Variants in PHLDB2 observed in about 807,000 individuals in gnomAD.
PHLDB2 encodes the protein pleckstrin homology like domain family B member 2, also known as pleckstrin homology-like domain family B member 2.
In PHLDB2, 71 loss-of-function variants were observed where a neutral mutation model predicts 123.6. The ratio of observed to expected loss-of-function variants is 0.57; its 90% CI spans 0.47 to 0.70. PHLDB2 has a LOEUF of 0.70. Ranked by LOEUF, PHLDB2 falls within the 30% of genes least tolerant of loss-of-function variation. The pLI is 0.00. For synonymous variants in PHLDB2, 547 were observed against 541.6 expected, an observed-to-expected ratio of 1.01 and a Z score of -0.14; for missense variants, 1,446 against 1,519.5, an observed-to-expected ratio of 0.95 and a Z score of 0.80.
intron 11 of PHLDB2, 79 bp from the exon 12 acceptor site, chr3:111,953,851 G>A (rs1302318193): frequency 1.8e-6 from 2 of 1,102,568 alleles, no homozygotes; most frequent in East Asian, 2.5e-5. Context: ...TAGGAGCTTT[G>A]GAAACAGGGA....
At chr3:111,796,734 C>A (rs62273795) in intron 1 of PHLDB2, among the ~76,000 whole-genome samples, 1,601 of 152,138 alleles carry the variant, frequency 0.011, 9 homozygotes, top group Non-Finnish European at 0.018. Context: ...GCCATGTTAG[C>A]CAGGCAGTTC....
At chr3:111,888,588 G>T (rs983362693) in intron 2 of PHLDB2, among the ~76,000 whole-genome samples, 4 of 152,142 alleles carry the variant, frequency 2.6e-5, no homozygotes, top group Non-Finnish European at 5.9e-5. Context: ...CAAAGCTCAG[G>T]AAGTTACACT....
chr3:111,748,815 C>T (rs2059723609), intron 1 of PHLDB2, among the ~76,000 whole-genome samples: 1 of 152,106 alleles, frequency 6.6e-6, no homozygotes, highest in Non-Finnish European at 1.5e-5. Flanking sequence ...AGTCACTGCA[C>T]CCAGCCATCA....
chr3:111,854,445 A>G (rs2064394149), upstream of PHLDB2, among the ~76,000 whole-genome samples: 2 of 152,246 alleles, frequency 1.3e-5, no homozygotes. Context: ...TTAAATCATC[A>G]TAATATTAAA....
intron 1 of PHLDB2, among the ~76,000 whole-genome samples, chr3:111,825,054 C>A (rs536789950): frequency 6.6e-6 from 1 of 152,098 alleles, no homozygotes; most frequent in South Asian, 2.1e-4. Flanking sequence ...TCATGGTAAA[C>A]CCCTGAGAAG....
At chr3:111,786,670 C>T (rs2060691660) in intron 1 of PHLDB2, among the ~76,000 whole-genome samples, 2 of 152,130 alleles carry the variant, frequency 1.3e-5, no homozygotes, top group Admixed American at 1.3e-4. Context: ...CCCAGGCCCT[C>T]CCACCCAATG....
chr3:111,930,776 G>T (rs1577113581), intron 5 of PHLDB2, among the ~76,000 whole-genome samples: 1 of 152,200 alleles, frequency 6.6e-6, no homozygotes, highest in Admixed American at 6.5e-5. Flanking sequence ...TACCATTGAA[G>T]ATCGAAGAAA....
intron 6 of PHLDB2, among the ~76,000 whole-genome samples, chr3:111,935,967 C>T (rs764710705): frequency 1.2e-4 from 19 of 152,110 alleles, no homozygotes; most frequent in Non-Finnish European, 2.5e-4. Context: ...TAGATTATTT[C>T]AACTGTCTTT....
intron 1 of PHLDB2, among the ~76,000 whole-genome samples, chr3:111,792,675 C>G (rs992023658): frequency 1.3e-5 from 2 of 152,074 alleles, no homozygotes; most frequent in Non-Finnish European, 2.9e-5. Context: ...CCACTACACT[C>G]CATCCGGGGT....
chr3:111,913,056 G>T lies in PHLDB2; in HGVS notation c.1336-263G>T, dbSNP rs190331184. Among the ~76,000 whole-genome samples, 421 of 152,344 alleles carry T rather than the reference G, an allele frequency of 2.8e-3. 2 individuals carry two copies. The highest frequency in any genetic ancestry group is 1.0e-2 in the African/African-American group (415 of 41,566). On this transcript the variant is annotated intron_variant, in intron 2 of 17. Coordinates refer to ENST00000431670, the MANE Select transcript of PHLDB2 (RefSeq NM_001134438.2). ...TTACTGAGTGCTGATGTGTGCTAGG[G>T]CCAGCCCTGTGATATACCAATAAAG...
chr3:111,939,703 C>A, intron 7 of PHLDB2, 73 bp downstream of exon 7: 2 of 1,414,750 alleles, frequency 1.4e-6, no homozygotes, highest in Non-Finnish European at 1.9e-6. Context: ...TGACATATGT[C>A]TGTCTGAATA....
At chr3:111,845,181 C>T (rs1437332560) in intron 1 of PHLDB2, among the ~76,000 whole-genome samples, 4 of 151,524 alleles carry the variant, frequency 2.6e-5, no homozygotes, top group African/African-American at 4.9e-5. Context: ...GGTGAAACCC[C>T]GTCTCTACTA....
intron 1 of PHLDB2, among the ~76,000 whole-genome samples, chr3:111,807,945 T>C: frequency 3.6e-5 from 1 of 27,806 alleles, no homozygotes; most frequent in Admixed American, 4.4e-4. Context: ...ATAAGCTGGG[T>C]GTTTTTTTTT....
At chr3:111,826,680 T>C (rs1053849838) in intron 1 of PHLDB2, among the ~76,000 whole-genome samples, 7 of 152,054 alleles carry the variant, frequency 4.6e-5, no homozygotes, top group Non-Finnish European at 1.5e-5. Flanking sequence ...AATGCCGCAG[T>C]TTTGCTCCAC....
At chr3:111,845,210 C>A (rs1294295123) in intron 1 of PHLDB2, among the ~76,000 whole-genome samples, 1 of 151,800 alleles carries the variant, frequency 6.6e-6, no homozygotes, top group African/African-American at 2.4e-5. Context: ...AAAAAATTAG[C>A]CAGGCCTGGT....
intron 5 of PHLDB2, among the ~76,000 whole-genome samples, chr3:111,924,312 C>G (rs2068694813): frequency 6.6e-6 from 1 of 152,254 alleles, no homozygotes; most frequent in Non-Finnish European, 1.5e-5. Context: ...ATATCCCACT[C>G]TAGCCTGTGA....
chr3:111,785,332 T>C (rs2060639449), intron 1 of PHLDB2, among the ~76,000 whole-genome samples: 1 of 152,136 alleles, frequency 6.6e-6, no homozygotes, highest in Non-Finnish European at 1.5e-5. Context: ...CCTACATGTA[T>C]TTTGCAAGCA....
intron 1 of PHLDB2, among the ~76,000 whole-genome samples, chr3:111,802,612 A>G (rs780885574): frequency 1.1e-4 from 16 of 152,252 alleles, no homozygotes; most frequent in Non-Finnish European, 1.6e-4. Flanking sequence ...AGTACTATAC[A>G]TTTAGCAAAT....
chr3:111,884,562 A>G lies in PHLDB2; in HGVS notation c.485A>G (p.Tyr162Cys). 1 of 1,613,892 alleles carries G rather than the reference A, an allele frequency of 6.2e-7. No individual in the cohort carries two copies. ...SSRHKSHDNV[Y>C]SLGGLEGRKA... The stretch of plus-strand genomic sequence containing the variant: ...AGGCATAAATCGCATGACAATGTCT[A>G]CTCTCTTGGAGGGCTGGAAGGTCGG... Residue 162 changes from tyrosine to cysteine, a missense_variant, in exon 2 of 18, where the codon TAC (tyrosine) becomes TGC (cysteine). Around this residue, in one of 3 missense-constraint regions of PHLDB2, gnomAD observed 832 missense variants for 831.9 expected, o/e 1.00. Transcript: ENST00000431670.
Sources: allele counts gnomAD v4.1 joint callset (sites outside exome capture counted in the v4.1 genomes callset), GRCh38; gene constraint gnomAD v4.1.1; regional missense constraint gnomAD v4.1.1; transcripts MANE v1.5; gene names NCBI Gene and HGNC (gene_info 2026-07-23, HGNC 2026-07-21).